The following MIB1 variants were observed in gnomAD, a reference collection of about 807,000 sequenced individuals.
MIB1 encodes the protein MIB E3 ubiquitin protein ligase 1, also known as E3 ubiquitin-protein ligase MIB1.
In MIB1, 278 loss-of-function variants were observed where a neutral mutation model predicts 124.5. The observed-to-expected ratio is 2.23, with a 90% CI of 2.02 to 2.47. MIB1 has a LOEUF of 2.47. Among genes scored for constraint, MIB1 ranks in the 30% most tolerant of loss-of-function variants. The pLI, the probability that MIB1 is intolerant of heterozygous loss-of-function variation, is 0.00. For missense variants in MIB1, 957 were observed against 1,254.4 expected, an observed-to-expected ratio of 0.76 and a Z score of 3.58; for synonymous variants, 446 against 429.4, an observed-to-expected ratio of 1.04 and a Z score of -0.48.
chr18:21,744,382 T>C (rs2040889955), intron 1 of MIB1, among the ~76,000 whole-genome samples: 1 of 152,320 alleles, frequency 6.6e-6, no homozygotes, highest in South Asian at 2.1e-4. Context: ...CCTTTTGCCC[T>C]TTACCCACCT....
intron 12 of MIB1, among the ~76,000 whole-genome samples, chr18:21,833,299 A>G (rs1055586741): frequency 6.6e-6 from 1 of 152,196 alleles, no homozygotes; most frequent in Admixed American, 6.5e-5. Flanking sequence ...TTATTTGTTT[A>G]TTCATTTCTT....
Position 21,815,744 on chromosome 18 carries a change from T to A in MIB1, c.1608T>A (p.Ile536=). Residue 536 remains isoleucine (I), a synonymous_variant, in exon 11 of 21, where the codon ATT becomes ATA. Coordinates refer to ENST00000261537, the MANE Select transcript of MIB1 (RefSeq NM_020774.4). The part of the protein sequence containing the change: ...RNKRRQTPLH[I]AVNKGHLQVV... Reference sequence around the variant, plus strand: ...AGCGCCGACAGACACCACTTCATATTGCTGTCAATAAAGGTCATCTTCAAG... The same window carrying A: ...AGCGCCGACAGACACCACTTCATATAGCTGTCAATAAAGGTCATCTTCAAG... 2 of 1,614,174 alleles carry A rather than the reference T, an allele frequency of 1.2e-6. No homozygotes were observed. The highest frequency in any genetic ancestry group is 1.7e-6 in the Non-Finnish European group (2 of 1,180,012).
At chr18:21,727,690 G>C (rs2040748904) in intron 1 of MIB1, among the ~76,000 whole-genome samples, 1 of 152,182 alleles carries the variant, frequency 6.6e-6, no homozygotes, top group Non-Finnish European at 1.5e-5. Context: ...CTTAAGCCAG[G>C]GAATTTGTTA....
chr18:21,845,921 C>CT (rs1458401600), intron 15 of MIB1, among the ~76,000 whole-genome samples: 1 of 152,186 alleles, frequency 6.6e-6, no homozygotes, highest in African/African-American at 2.4e-5. Flanking sequence ...CCACACTCGG[C>CT]TGAAAAGACT....
intron 6 of MIB1, among the ~76,000 whole-genome samples, chr18:21,788,047 A>T (rs1316651822): frequency 6.6e-6 from 1 of 152,144 alleles, no homozygotes; most frequent in African/African-American, 2.4e-5. Flanking sequence ...ATAGTATTAT[A>T]TATGCATATA....
chr18:21,736,511 T>C (rs1272648045), upstream of MIB1, among the ~76,000 whole-genome samples: 1 of 152,182 alleles, frequency 6.6e-6, no homozygotes, highest in African/African-American at 2.4e-5. Flanking sequence ...GGATGGAGAA[T>C]GAGTTTGACG....
chr18:21,851,729 C>G (rs1301267696), intron 17 of MIB1, among the ~76,000 whole-genome samples: 6 of 152,184 alleles, frequency 3.9e-5, no homozygotes, highest in Non-Finnish European at 1.5e-5. Flanking sequence ...AACAGGCACT[C>G]TCTAAACACT....
At chr18:21,713,078 C>A (rs1210431436) in intron 1 of MIB1, among the ~76,000 whole-genome samples, 5 of 152,122 alleles carry the variant, frequency 3.3e-5, no homozygotes, top group African/African-American at 1.2e-4. Flanking sequence ...CCCACTCAGC[C>A]TCCTGAGTAG....
chr18:21,772,322 A>G (rs1169391353), intron 3 of MIB1, among the ~76,000 whole-genome samples: 1 of 152,210 alleles, frequency 6.6e-6, no homozygotes, highest in Non-Finnish European at 1.5e-5. Flanking sequence ...GAGTAATCTG[A>G]ATTGCATGTG....
intron 20 of MIB1, among the ~76,000 whole-genome samples, chr18:21,860,202 GTGATTCTCA>G (rs1279356703): frequency 7.5e-6 from 1 of 133,186 alleles, no homozygotes; most frequent in African/African-American, 2.8e-5. Flanking sequence ...CCAGATTCAA[GTGATTCTCA>G]TGCCTCAGCT....
At chr18:21,779,860 A>ATGTG (rs1404709417) in intron 6 of MIB1, among the ~76,000 whole-genome samples, 175 bp downstream of exon 6, 1 of 103,230 alleles carries the variant, frequency 9.7e-6, no homozygotes, top group African/African-American at 5.7e-5. Flanking sequence ...GATAAGAATT[A>ATGTG]CGTGTGTGTG....
chr18:21,819,651 G>A lies in MIB1; in HGVS notation c.1829+5G>A. On this transcript the variant is annotated splice_donor_5th_base_variant and intron_variant, in intron 12 of 20. Coordinates refer to ENST00000261537, the MANE Select transcript of MIB1 (RefSeq NM_020774.4). ...TGCACTAAGGGGAAATCCCAGGTAT[G>A]TCACCCCTTACTATTTTAGGTGCAA... The A allele has an allele frequency of 2.0e-6, 3 of 1,514,942 alleles. No individual in the cohort carries two copies. The highest frequency in any genetic ancestry group is 2.7e-6 in the Non-Finnish European group (3 of 1,127,138). 93.8% of individuals were successfully genotyped at this position (1,514,942 alleles called of 1,614,324 possible). A position where few individuals can be genotyped will look rare whatever the true frequency, so the allele number is the denominator to read the frequency against.
At chr18:21,828,805 G>C (rs2041950979) in intron 12 of MIB1, 2 of 189,360 alleles carry the variant, frequency 1.1e-5, no homozygotes, top group African/African-American at 4.8e-5. Flanking sequence ...TACTTCACTG[G>C]ATCTTCTTTT....
intron 1 of MIB1, among the ~76,000 whole-genome samples, chr18:21,726,588 C>T (rs182105243): frequency 1.2e-4 from 18 of 152,198 alleles, no homozygotes; most frequent in Admixed American, 5.2e-4. Flanking sequence ...TCAGAGTGAA[C>T]GCTCTGAAGG....
intron 1 of MIB1, among the ~76,000 whole-genome samples, chr18:21,752,849 A>G (rs2040990660): frequency 6.6e-6 from 1 of 152,232 alleles, no homozygotes. Context: ...ATTCATTGCA[A>G]TATTGTTTAT....
At chr18:21,844,414 T>C (rs1248801852) in intron 15 of MIB1, among the ~76,000 whole-genome samples, 161 bp downstream of exon 15, 1 of 152,202 alleles carries the variant, frequency 6.6e-6, no homozygotes, top group Non-Finnish European at 1.5e-5. Context: ...TACTAACTTA[T>C]TGCTCCACAT....
chr18:21,841,093 C>T (rs9962689), intron 13 of MIB1, among the ~76,000 whole-genome samples: 3 of 151,524 alleles, frequency 2.0e-5, no homozygotes, highest in South Asian at 2.1e-4. Flanking sequence ...TGGCTGGGTG[C>T]GGTGGCTCAT....
chr18:21,799,882 G>A lies in MIB1; in HGVS notation c.1279G>A (p.Glu427Lys), dbSNP rs1369452924. The A allele has an allele frequency of 1.9e-6, 3 of 1,611,954 alleles. No homozygotes were observed. The African/African-American group carries it at 4.0e-5, about 22-fold the overall frequency. The change falls in exon 9 of 21, where the codon GAA (glutamate) becomes AAA (lysine). Residue 427 changes from glutamate (E) to lysine (K), a missense_variant. By Grantham distance (56) the Glu-to-Lys change is moderately conservative (BLOSUM62 1). Transcript: ENST00000261537. ...QLLKKLFETQ[E>K]SGDLNEELVK... ...CCTGAAGAAATTATTTGAAACCCAA[G>A]AATCTGGTGACCTCAATGAAGAATT... is the stretch of plus-strand genomic sequence containing the variant.
At chr18:21,860,327 C>G (rs1282773005) in intron 20 of MIB1, among the ~76,000 whole-genome samples, 1 of 137,886 alleles carries the variant, frequency 7.3e-6, no homozygotes, top group Admixed American at 7.3e-5. Flanking sequence ...TCTTGAACTT[C>G]TGGCCTCAAG....
Sources: allele counts gnomAD v4.1 joint callset (sites outside exome capture counted in the v4.1 genomes callset), GRCh38; gene constraint gnomAD v4.1.1; transcripts MANE v1.5; gene names NCBI Gene and HGNC (gene_info 2026-07-23, HGNC 2026-07-21).